The following SHLD2 variants were observed in gnomAD, a reference collection of about 807,000 sequenced individuals.
SHLD2 encodes RINN1-REV7-interacting novel NHEJ regulator 2.
Under a neutral mutation model 73.2 loss-of-function variants are expected in SHLD2, and 30 were observed. The ratio of observed to expected loss-of-function variants is 0.41; its 90% CI spans 0.31 to 0.56. The LOEUF (loss-of-function observed/expected upper bound fraction) is 0.56. SHLD2 is among the 20% of genes least tolerant of loss of function. The pLI is 0.28. For synonymous variants in SHLD2, 285 were observed against 370.1 expected (o/e 0.77, Z 2.64); for missense variants, 745 against 1,055.9 (o/e 0.71, Z 4.08).
At chr10:87,144,644 T>TTTTTG (rs58888006) in intron 2 of SHLD2, among the ~76,000 whole-genome samples, 1 of 114,270 alleles carries the variant, frequency 8.8e-6, no homozygotes, top group Admixed American at 8.8e-5. Context: ...TTTTTTTTTT[T>TTTTTG]GAGATGGTGT....
chr10:87,122,413 T>C (rs1348912157), intron 2 of SHLD2, among the ~76,000 whole-genome samples: 2 of 152,206 alleles, frequency 1.3e-5, no homozygotes, highest in African/African-American at 4.8e-5. Flanking sequence ...TCCTTCCTTT[T>C]ATTTTGTTGT....
chr10:87,155,090 G>A (rs1846313435), intron 3 of SHLD2, among the ~76,000 whole-genome samples: 1 of 151,992 alleles, frequency 6.6e-6, no homozygotes. Flanking sequence ...GCCTGCCACC[G>A]CGCGCGGCTA....
At chr10:87,155,916 G>A (rs1846387605) in intron 3 of SHLD2, among the ~76,000 whole-genome samples, 1 of 151,814 alleles carries the variant, frequency 6.6e-6, no homozygotes, top group South Asian at 2.1e-4. Context: ...ACTTATTTCT[G>A]AATAAGTTTC....
intron 2 of SHLD2, among the ~76,000 whole-genome samples, chr10:87,133,246 C>T (rs3117883): frequency 0.32 from 48,394 of 151,500 alleles, 8,470 homozygotes; most frequent in East Asian, 0.74. Context: ...TGTGAGCCAC[C>T]GTGCCCAATT....
At chr10:87,189,488 CTA>C (rs1848885562) in intron 9 of SHLD2, among the ~76,000 whole-genome samples, 1 of 152,078 alleles carries the variant, frequency 6.6e-6, no homozygotes, top group Non-Finnish European at 1.5e-5. Flanking sequence ...ACCATGCAGA[CTA>C]TTACTAATAT....
In SHLD2 at chr10:87,152,640, C is replaced by T; in HGVS notation, c.1286C>T (p.Thr429Ile). ...NVSEFKSIKK[T>I]SLIKNCDSKS... is the part of the protein sequence containing the mutation. ...TCTGAATTTAAGAGTATTAAAAAAA[C>T]ATCATTAATAAAAAACTGTGATTCT... The change falls in exon 3 of 10, where the codon ACA becomes ATA. Residue 429 changes from threonine to isoleucine, a missense_variant. This residue lies in a region of SHLD2 where 418 missense variants were observed against 567.8 expected (regional missense o/e 0.74). Transcript: ENST00000298786. 2.5e-6 allele frequency: 4 copies of T among 1,610,550 alleles called. No homozygotes were observed. The highest frequency in any genetic ancestry group is 1.7e-6 in the Non-Finnish European group (2 of 1,179,418).
At chr10:87,094,744 A>AGC (rs1564569939), upstream of SHLD2, 1 of 1,532,490 alleles carries the variant, frequency 6.5e-7, no homozygotes, top group Non-Finnish European at 8.8e-7. This position sits in a 1 kb window ranked among gnomAD's most constrained non-coding sequence, Gnocchi z 6.6. Flanking sequence ...GGACAGCAAC[A>AGC]GCGCTTCGCC....
chr10:87,118,224 C>T (rs1249962397), intron 2 of SHLD2, among the ~76,000 whole-genome samples: 1 of 152,140 alleles, frequency 6.6e-6, no homozygotes, highest in African/African-American at 2.4e-5. Context: ...ACAGGCTTGA[C>T]ATTAAATCCA....
chr10:87,119,533 G>A (rs184366655), intron 2 of SHLD2, among the ~76,000 whole-genome samples: 2,323 of 152,184 alleles, frequency 0.015, 34 homozygotes, highest in Non-Finnish European at 0.022. Context: ...AGGCTGAGGC[G>A]GGTGGATCAC....
chr10:87,171,978 C>A (rs979829756), intron 6 of SHLD2, among the ~76,000 whole-genome samples: 1 of 152,070 alleles, frequency 6.6e-6, no homozygotes, highest in African/African-American at 2.4e-5. Context: ...TATAGTGGAG[C>A]CGTAACAAAG....
At chr10:87,180,427 C>T (rs552913035) in intron 8 of SHLD2, 124 bp downstream of exon 8, 41 of 1,308,568 alleles carry the variant, frequency 3.1e-5, no homozygotes, top group South Asian at 2.5e-4. Context: ...TAAAATTTTC[C>T]GAGTGATAGA....
At chr10:87,103,702 G>A (rs747397508) in intron 2 of SHLD2, among the ~76,000 whole-genome samples, 34 of 152,176 alleles carry the variant, frequency 2.2e-4, no homozygotes, top group Middle Eastern at 3.2e-3. Flanking sequence ...AAAAGGACCT[G>A]TAATCTTCAG....
chr10:87,130,565 C>T (rs1844356151), intron 2 of SHLD2, among the ~76,000 whole-genome samples: 1 of 152,012 alleles, frequency 6.6e-6, no homozygotes, highest in Admixed American at 6.6e-5. Context: ...TGAGCGTTTC[C>T]TAAGGAGCTT....
At chr10:87,177,165 A>G (rs1300341900) in intron 7 of SHLD2, among the ~76,000 whole-genome samples, 1 of 152,058 alleles carries the variant, frequency 6.6e-6, no homozygotes, top group Non-Finnish European at 1.5e-5. Flanking sequence ...CACCACAGGA[A>G]GGAATGCCAG....
intron 2 of SHLD2, among the ~76,000 whole-genome samples, chr10:87,147,352 G>T (rs1845699744): frequency 7.3e-6 from 1 of 136,410 alleles, no homozygotes; most frequent in Non-Finnish European, 1.6e-5. Flanking sequence ...GGTGGCCCAA[G>T]GAGGAAGAGA....
At chr10:87,097,926 A>AT (rs1218312203) in intron 2 of SHLD2, among the ~76,000 whole-genome samples, 1 of 151,618 alleles carries the variant, frequency 6.6e-6, no homozygotes, top group African/African-American at 2.4e-5. Flanking sequence ...TGCCAGGCTA[A>AT]TTTTTTTGTA....
At chr10:87,188,088 T>C (rs920472025) in intron 9 of SHLD2, among the ~76,000 whole-genome samples, 1 of 152,212 alleles carries the variant, frequency 6.6e-6, no homozygotes, top group African/African-American at 2.4e-5. Flanking sequence ...CAAGCTTTTG[T>C]TGGTTGTTAT....
chr10:87,127,150 A>C (rs1844065714), intron 2 of SHLD2, among the ~76,000 whole-genome samples: 1 of 151,824 alleles, frequency 6.6e-6, no homozygotes, highest in Non-Finnish European at 1.5e-5. Flanking sequence ...CTGGGATCCC[A>C]ACTTTATTTC....
At chr10:87,160,832 A>C (rs1796508246) in intron 4 of SHLD2, among the ~76,000 whole-genome samples, 1 of 151,804 alleles carries the variant, frequency 6.6e-6, no homozygotes, top group Admixed American at 6.6e-5. Flanking sequence ...TGTACTAAAA[A>C]GATGAAAAAT....
Sources: allele counts gnomAD v4.1 joint callset (sites outside exome capture counted in the v4.1 genomes callset), GRCh38; gene constraint gnomAD v4.1.1; regional missense constraint gnomAD v4.1.1; non-coding constraint Gnocchi (gnomAD v3.1); transcripts MANE v1.5; gene names NCBI Gene and HGNC (gene_info 2026-07-23, HGNC 2026-07-21).